Variants in DENND1A observed in about 807,000 individuals in gnomAD.
DENND1A encodes the protein DENN domain containing 1A, also known as DENN domain-containing protein 1A.
A neutral mutation model predicts 113.7 loss-of-function variants in DENND1A; 51 were observed. That is an observed-to-expected ratio of 0.45 (90% CI 0.36 to 0.57). The LOEUF (loss-of-function observed/expected upper bound fraction) is 0.57, where lower values mean the gene tolerates loss of function less well. Ranked by LOEUF, DENND1A falls within the 20% of genes least tolerant of loss-of-function variation. The pLI is 0.00. For synonymous variants in DENND1A, 565 were observed against 570.8 expected, an observed-to-expected ratio of 0.99 and a Z score of 0.14; for missense variants, 1,258 against 1,395.9, an observed-to-expected ratio of 0.90 and a Z score of 1.57.
chr9:123,711,282 T>C (rs1042207410), intron 5 of DENND1A, among the ~76,000 whole-genome samples: 2 of 151,096 alleles, frequency 1.3e-5, no homozygotes, highest in African/African-American at 4.9e-5. Context: ...CTGGCCAACA[T>C]GGTGAAACCT....
intron 7 of DENND1A, among the ~76,000 whole-genome samples, chr9:123,669,805 GTTTC>G (rs1197368914): frequency 6.6e-6 from 1 of 152,118 alleles, no homozygotes; most frequent in Non-Finnish European, 1.5e-5. Flanking sequence ...TTGTAACAAG[GTTTC>G]TTTCTTTCTT....
intron 2 of DENND1A, among the ~76,000 whole-genome samples, chr9:123,839,537 T>C (rs1051921678): frequency 1.3e-5 from 2 of 152,186 alleles, no homozygotes; most frequent in Non-Finnish European, 2.9e-5. Flanking sequence ...ACAGGCCAAT[T>C]TCCCTTAATC....
At chr9:123,784,336 G>A (rs1334459867) in intron 3 of DENND1A, among the ~76,000 whole-genome samples, 1 of 152,166 alleles carries the variant, frequency 6.6e-6, no homozygotes, top group Non-Finnish European at 1.5e-5. Flanking sequence ...TCTTAGAGAG[G>A]GTGGTGATTG....
intron 13 of DENND1A, among the ~76,000 whole-genome samples, chr9:123,524,285 G>GCTGT (rs2054628698): frequency 6.6e-6 from 1 of 152,208 alleles, no homozygotes; most frequent in Non-Finnish European, 1.5e-5. Context: ...AACGAATCAT[G>GCTGT]CTGTCAACAA....
intron 2 of DENND1A, among the ~76,000 whole-genome samples, chr9:123,817,362 G>A (rs187777753): frequency 1.3e-5 from 2 of 152,282 alleles, no homozygotes; most frequent in East Asian, 1.9e-4. Flanking sequence ...TGGTCCACAC[G>A]CCGGGGGGTT....
chr9:123,753,580 C>T (rs1304447772), intron 5 of DENND1A, among the ~76,000 whole-genome samples: 3 of 152,228 alleles, frequency 2.0e-5, no homozygotes, highest in Non-Finnish European at 4.4e-5. Context: ...GAATTTACGT[C>T]CCATGACACC....
At chr9:123,772,505 C>G (rs1829887729) in intron 3 of DENND1A, among the ~76,000 whole-genome samples, 1 of 152,132 alleles carries the variant, frequency 6.6e-6, no homozygotes, top group Non-Finnish European at 1.5e-5. Flanking sequence ...CTTGCCTACA[C>G]AAGCTCTTTT....
At chr9:123,832,425 G>C (rs1359204139) in intron 2 of DENND1A, among the ~76,000 whole-genome samples, 2 of 152,264 alleles carry the variant, frequency 1.3e-5, no homozygotes, top group Middle Eastern at 3.4e-3. Flanking sequence ...CAGCAGATGA[G>C]GATGCAAATC....
chr9:123,383,763 G>A lies in DENND1A; in HGVS notation c.1911C>T (p.Ser637=). The A allele has an allele frequency of 6.2e-7, 1 of 1,614,134 alleles. No homozygotes were observed. The change falls in exon 23 of 24, where the codon AGC becomes AGT. Residue 637 remains serine, a synonymous_variant. Coordinates refer to ENST00000394215, the MANE Select transcript of DENND1A (RefSeq NM_001352964.2). ...ASIDLLEDVF[S]NLDMEAALQP... is the part of the protein sequence containing the mutation. ...GCAGTGCGGCCTCCATGTCCAGGTT[G>A]CTGAAGACGTCTTCCAGAAGGTCGA...
chr9:123,542,098 C>T (rs1039174271), intron 13 of DENND1A, among the ~76,000 whole-genome samples: 8 of 152,184 alleles, frequency 5.3e-5, no homozygotes, highest in African/African-American at 1.7e-4. Flanking sequence ...GCTAATAAAA[C>T]GTCAGCAAAT....
At chr9:123,382,998 C>T (rs2042362006) in intron 23 of DENND1A, among the ~76,000 whole-genome samples, 1 of 152,226 alleles carries the variant, frequency 6.6e-6, no homozygotes, top group Non-Finnish European at 1.5e-5. Context: ...GTAGGAGGCA[C>T]CTTGGCTGGG....
intron 3 of DENND1A, among the ~76,000 whole-genome samples, chr9:123,792,138 C>T (rs941150546): frequency 6.6e-6 from 1 of 152,208 alleles, no homozygotes; most frequent in African/African-American, 2.4e-5. Context: ...GCACGTGCAT[C>T]TTCTCCTTCC....
chr9:123,669,559 G>A (rs1181429827), intron 7 of DENND1A, among the ~76,000 whole-genome samples: 2 of 152,226 alleles, frequency 1.3e-5, no homozygotes, highest in Admixed American at 6.5e-5. Flanking sequence ...CATGCTGCCT[G>A]AGCAGCCATT....
At chr9:123,493,110 T>A (rs371467314) in intron 13 of DENND1A, 10 of 152,562 alleles carry the variant, frequency 6.6e-5, no homozygotes, top group African/African-American at 2.4e-4. Flanking sequence ...AGGGCTGGGA[T>A]GCTCAGGCTC....
At position 123,552,006 on chromosome 9, in the gene DENND1A, A is replaced by C. The variant is rs576154059; in HGVS notation, c.993+5564T>G. Among the ~76,000 whole-genome samples the C allele has an allele frequency of 6.9e-3, 1,016 of 146,578 alleles. 11 individuals are homozygous for C. Among genetic ancestry groups the C allele is most frequent in the African/African-American group, 0.025 (981 of 38,634 alleles). ...GAGAGAGAGAGCGAGAGAGAGCGAG[A>C]GAGAGCGAGAGCGAGAGAGAGAGAG... On this transcript the variant is annotated intron_variant, in intron 13 of 23. Coordinates refer to ENST00000394215, the MANE Select transcript of DENND1A (RefSeq NM_001352964.2).
intron 5 of DENND1A, among the ~76,000 whole-genome samples, chr9:123,755,004 A>G (rs2070395104): frequency 6.6e-6 from 1 of 152,198 alleles, no homozygotes; most frequent in Non-Finnish European, 1.5e-5. Context: ...CATATTATAG[A>G]GAAAAACCTT....
chr9:123,551,917 G>A (rs2057072019), intron 13 of DENND1A, among the ~76,000 whole-genome samples: 1 of 151,920 alleles, frequency 6.6e-6, no homozygotes, highest in South Asian at 2.1e-4. Context: ...TTCTGGATCT[G>A]GTAAAGAAAA....
chr9:123,613,951 G>A (rs1417982027), intron 10 of DENND1A, among the ~76,000 whole-genome samples: 1 of 152,170 alleles, frequency 6.6e-6, no homozygotes, highest in East Asian at 1.9e-4. Flanking sequence ...AAGGAAAAGG[G>A]CTCTGTTGCT....
chr9:123,535,542 C>T (rs1306316769), intron 13 of DENND1A, among the ~76,000 whole-genome samples: 1 of 152,242 alleles, frequency 6.6e-6, no homozygotes. Flanking sequence ...CTATGTTTCT[C>T]TCTGTGTTCA....
Sources: gnomAD v4.1 joint callset for allele counts (sites outside exome capture counted in the v4.1 genomes callset) on GRCh38, gnomAD v4.1.1 for gene constraint, MANE v1.5 for transcripts, NCBI Gene and HGNC (gene_info 2026-07-23, HGNC 2026-07-21) for gene names.